Variants in TXNDC9 observed in about 807,000 individuals in gnomAD.
The protein encoded by TXNDC9 is thioredoxin domain-containing protein 9.
In TXNDC9, 7 loss-of-function variants were observed where a neutral mutation model predicts 23.0. The observed-to-expected ratio is 0.30, with a 90% CI of 0.17 to 0.57. The LOEUF is 0.57. Ranked by LOEUF, TXNDC9 falls within the 20% of genes least tolerant of loss-of-function variation. The pLI is 0.90. For missense variants in TXNDC9, 198 were observed against 252.6 expected (o/e 0.78, Z 1.47); for synonymous variants, 72 against 90.6 (o/e 0.79, Z 1.17).
chr2:99,336,126 A>C (rs1574912192), intron 1 of TXNDC9, 113 bp downstream of exon 1: 1 of 912,228 alleles, frequency 1.1e-6, no homozygotes, highest in Non-Finnish European at 1.3e-6. Context: ...CTGCCAGGAC[A>C]CCGACACCGG....
chr2:99,328,691 T>G (rs1322182167), intron 2 of TXNDC9, among the ~76,000 whole-genome samples: 2 of 152,088 alleles, frequency 1.3e-5, no homozygotes, highest in Non-Finnish European at 2.9e-5. Flanking sequence ...ATAATGCTCA[T>G]GAGGCTGGGT....
intron 1 of TXNDC9, 103 bp downstream of exon 1, chr2:99,336,136 G>C: frequency 2.1e-6 from 2 of 947,666 alleles, no homozygotes; most frequent in Non-Finnish European, 2.5e-6. Context: ...ACCGACACCG[G>C]TGCTGGGGCC....
At chr2:99,331,567 C>T (rs1307084005) in intron 2 of TXNDC9, among the ~76,000 whole-genome samples, 4 of 149,976 alleles carry the variant, frequency 2.7e-5, no homozygotes, top group Non-Finnish European at 4.4e-5. Context: ...TTTTAAAATA[C>T]GGTAGGGTAC....
At chr2:99,312,415 C>T in the TXNDC9 span, among the ~76,000 whole-genome samples, 5 of 149,934 alleles carry the variant, frequency 3.3e-5, no homozygotes, top group South Asian at 2.1e-4. Context: ...GATAATTGCT[C>T]GAACCCGGGA....
the TXNDC9 span, among the ~76,000 whole-genome samples, chr2:99,313,775 G>A: frequency 1.3e-5 from 2 of 152,214 alleles, no homozygotes; most frequent in African/African-American, 4.8e-5. Flanking sequence ...GTTCTAGCCT[G>A]CCATTGACAG....
At chr2:99,310,155 T>A in the TXNDC9 span, among the ~76,000 whole-genome samples, 13 of 152,372 alleles carry the variant, frequency 8.5e-5, no homozygotes, top group Admixed American at 4.6e-4. Context: ...ATGTTACTTG[T>A]TAACTAAAAA....
intron 2 of TXNDC9, among the ~76,000 whole-genome samples, chr2:99,328,262 ATTTTTT>A (rs59604079): frequency 7.2e-6 from 1 of 138,090 alleles, no homozygotes; most frequent in Non-Finnish European, 1.5e-5. Flanking sequence ...CACGCCTGGC[ATTTTTT>A]TTTTTTTTTT....
chr2:99,308,032 A>G, the TXNDC9 span, among the ~76,000 whole-genome samples: 97 of 151,904 alleles, frequency 6.4e-4, no homozygotes, highest in Admixed American at 1.6e-3. Context: ...AGACAGATAC[A>G]CCTCTAGAGT....
intron 4 of TXNDC9, chr2:99,321,049 ATTTG>A (rs1235861862): frequency 6.6e-6 from 1 of 152,092 alleles, no homozygotes; most frequent in Non-Finnish European, 1.5e-5. Context: ...CCCGGCTGCA[ATTTG>A]TTTAAGGCTT....
At chr2:99,315,085 TAG>T (rs1384348195), downstream of TXNDC9, among the ~76,000 whole-genome samples, 1 of 117,820 alleles carries the variant, frequency 8.5e-6, no homozygotes, top group Non-Finnish European at 1.8e-5. Flanking sequence ...TTTTTTGAGA[TAG>T]AGTCTCACTC....
the TXNDC9 span, among the ~76,000 whole-genome samples, chr2:99,308,610 T>C: frequency 2.0e-5 from 3 of 152,044 alleles, no homozygotes; most frequent in Non-Finnish European, 4.4e-5. Context: ...TGTGTGTGTA[T>C]GTAGGGAGGG....
downstream of TXNDC9, among the ~76,000 whole-genome samples, chr2:99,315,058 GTTAA>G (rs1408120378): frequency 1.4e-5 from 2 of 142,640 alleles, no homozygotes; most frequent in Non-Finnish European, 3.0e-5. Context: ...ACCACGCCTG[GTTAA>G]TTTTTTTTTT....
chr2:99,329,234 T>C (rs1363593134), intron 2 of TXNDC9, among the ~76,000 whole-genome samples: 1 of 152,240 alleles, frequency 6.6e-6, no homozygotes, highest in African/African-American at 2.4e-5. Context: ...CTTTCCCACG[T>C]GGGCCCTTCA....
At chr2:99,326,448 A>G (rs2094212971) in intron 3 of TXNDC9, among the ~76,000 whole-genome samples, 1 of 152,248 alleles carries the variant, frequency 6.6e-6, no homozygotes, top group African/African-American at 2.4e-5. Context: ...GGTGCCAGTC[A>G]GCAGATGACT....
intron 2 of TXNDC9, among the ~76,000 whole-genome samples, chr2:99,329,697 G>A (rs929744379): frequency 1.3e-5 from 2 of 152,206 alleles, no homozygotes; most frequent in Non-Finnish European, 2.9e-5. Flanking sequence ...GCTGGACGCA[G>A]TGGCTCACAC....
At chr2:99,321,746 A>T (rs1005736001) in intron 4 of TXNDC9, 1 of 563,100 alleles carries the variant, frequency 1.8e-6, no homozygotes, top group Non-Finnish European at 3.0e-6. Context: ...TTTACCTATT[A>T]AATCAGTTTA....
chr2:99,312,918 T>C, the TXNDC9 span, among the ~76,000 whole-genome samples: 1 of 151,982 alleles, frequency 6.6e-6, no homozygotes, highest in Non-Finnish European at 1.5e-5. Context: ...ATCCCAGCCC[T>C]TTGGGAGGCC....
downstream of TXNDC9, among the ~76,000 whole-genome samples, chr2:99,315,062 A>ATT (rs748634802): frequency 1.5e-3 from 165 of 107,970 alleles, no homozygotes; most frequent in Non-Finnish European, 2.6e-3. Flanking sequence ...CGCCTGGTTA[A>ATT]TTTTTTTTTT....
At position 99,327,692 on chromosome 2, in the gene TXNDC9, ATC is replaced by A. The variant is rs776728528; in HGVS notation, c.190-41_190-40del. 3.1e-6 allele frequency: 4 copies of A among 1,285,500 alleles called. No individual in the cohort carries two copies. The East Asian group carries it at 9.4e-5, about 30-fold the overall frequency. 79.6% of individuals were successfully genotyped at this position (1,285,500 alleles called of 1,614,324 possible). A position where few individuals can be genotyped will look rare whatever the true frequency, so the allele number is the denominator to read the frequency against. ...AGGCAAAACATTACACATGTGAGATATCTCTTTCAGAACCACTTGACATTTTA... is the reference window on the plus strand; with the variant it reads ...AGGCAAAACATTACACATGTGAGATATCTTTCAGAACCACTTGACATTTTA... On this transcript the variant is annotated intron_variant, in intron 2 of 4. Transcript: ENST00000264255.
Sources: allele counts gnomAD v4.1 joint callset (sites outside exome capture counted in the v4.1 genomes callset), GRCh38; gene constraint gnomAD v4.1.1; transcripts MANE v1.5; gene names NCBI Gene and HGNC (gene_info 2026-07-23, HGNC 2026-07-21).